The following KHSRP variants were observed in gnomAD, a reference collection of about 807,000 sequenced individuals.
KHSRP encodes the protein far upstream element-binding protein 2.
A neutral mutation model predicts 94.9 loss-of-function variants in KHSRP; 13 were observed. The observed-to-expected ratio is 0.14, with a 90% CI of 0.09 to 0.22. The LOEUF (loss-of-function observed/expected upper bound fraction) is 0.22. KHSRP is among the 10% of genes least tolerant of loss of function. The pLI is 1.00. For missense variants in KHSRP, 710 were observed against 1,010.0 expected, an observed-to-expected ratio of 0.70 and a Z score of 4.03; for synonymous variants, 495 against 401.4, an observed-to-expected ratio of 1.23 and a Z score of -2.79.
Position 6,414,742 on chromosome 19 carries a change from A to G in KHSRP, c.*282T>C. The G allele has an allele frequency of 3.8e-6, 4 of 1,062,488 alleles. No individual in the cohort carries two copies. The highest frequency in any genetic ancestry group is 4.5e-6 in the Non-Finnish European group (4 of 882,520). The allele number at this position is 1,062,488 out of a possible 1,614,324, so 65.8% of individuals were successfully genotyped here. ...AAAAAAGTGATGCAGAGAAGGGGAA[A>G]AAATAGACGTTTTCTTCCCAAGTGG... is the stretch of plus-strand genomic sequence containing the variant. On this transcript the variant is annotated 3_prime_UTR_variant, in exon 19 of 19. Coordinates refer to ENST00000600480, the MANE Select transcript of KHSRP (RefSeq NM_001366299.1).
Position 6,413,498 on chromosome 19 carries a change from GACGGGC to G in KHSRP, c.*1520_*1525del. The G allele has an allele frequency of 2.9e-6, 1 of 347,580 alleles. No homozygotes were observed. The highest frequency in any genetic ancestry group is 5.9e-6 in the Non-Finnish European group (1 of 169,460). 21.5% of individuals were successfully genotyped at this position (347,580 alleles called of 1,614,324 possible). ...ACAACAGACCAGTCCTGGGAGGGGG[GACGGGC>G]GGGGCCGCGGGAGCTGAGCCAGGGC... On this transcript the variant is annotated 3_prime_UTR_variant, in exon 19 of 19. Coordinates refer to ENST00000600480, the MANE Select transcript of KHSRP (RefSeq NM_001366299.1).
In KHSRP at chr19:6,413,103, CT is replaced by C. The variant is rs1312549411; in HGVS notation, c.*1920del. Among the ~76,000 whole-genome samples the C allele has an allele frequency of 8.3e-6, 1 of 119,856 alleles. No individual in the cohort carries two copies. Among genetic ancestry groups the C allele is most frequent in the Non-Finnish European group, 1.6e-5 (1 of 61,642 alleles). 78.6% of individuals were successfully genotyped at this position (119,856 alleles called of 152,430 possible). A position where few individuals can be genotyped will look rare whatever the true frequency, so the allele number is the denominator to read the frequency against. On this transcript the variant is annotated 3_prime_UTR_variant, in exon 19 of 19. Transcript: ENST00000600480. The stretch of plus-strand genomic sequence containing the variant: ...AACACAACTGCGGCCAGCACGCAGT[CT>C]TTTTTAAACAAAAAGCACTTTATTT...
Position 6,414,479 on chromosome 19 carries a change from C to G in KHSRP, c.*545G>C. 7 of 1,114,274 alleles carry G rather than the reference C, an allele frequency of 6.3e-6. No individual in the cohort carries two copies. The highest frequency in any genetic ancestry group is 6.6e-6 in the Non-Finnish European group (6 of 911,828). The allele number at this position is 1,114,274 out of a possible 1,614,324, so 69.0% of individuals were successfully genotyped here. A position where few individuals can be genotyped will look rare whatever the true frequency, so the allele number is the denominator to read the frequency against. On this transcript the variant is annotated 3_prime_UTR_variant, in exon 19 of 19. Coordinates refer to ENST00000600480, the MANE Select transcript of KHSRP (RefSeq NM_001366299.1). ...TCCAGAGATCATGGTGTCCCCACAACACCCCTGTGAGGTAGGTTGGAAGGT... is the reference window on the plus strand; with the variant it reads ...TCCAGAGATCATGGTGTCCCCACAAGACCCCTGTGAGGTAGGTTGGAAGGT...
chr19:6,418,480 C>T lies in KHSRP; in HGVS notation c.879+3G>A, dbSNP rs773566104. The T allele has an allele frequency of 6.2e-7, 1 of 1,612,504 alleles. No individual in the cohort carries two copies. The highest frequency in any genetic ancestry group is 1.1e-5 in the South Asian group (1 of 90,946). ...CCCCTCCACCACCCCAGGGCGTGCT[C>T]ACCTGCACTTTGTAAGGATCCCCAA... is the stretch of plus-strand genomic sequence containing the variant. On this transcript the variant is annotated splice_donor_region_variant and intron_variant, in intron 9 of 18. Transcript: ENST00000600480. The surrounding 1 kb of genome is among the most constrained non-coding windows in gnomAD (Gnocchi z 4.3).
At chr19:6,423,812 ACTTC>A (rs1470207618) in intron 1 of KHSRP, among the ~76,000 whole-genome samples, 1 of 152,100 alleles carries the variant, frequency 6.6e-6, no homozygotes, top group African/African-American at 2.4e-5. Context: ...AGCATGTGAC[ACTTC>A]CTTGTCATTA....
In KHSRP at chr19:6,415,863, G is replaced by A. The variant is rs949333804; in HGVS notation, c.1632C>T (p.Pro544=). Residue 544 remains proline (P), a synonymous_variant, in exon 16 of 19, where the codon CCC becomes CCT. Coordinates refer to ENST00000600480, the MANE Select transcript of KHSRP (RefSeq NM_001366299.1). ...AGGPPPHQYP[P]QGWGNTYPQW... ...GGGGGTAGGTATTGCCCCAGCCCTGGGGTGGGTACTGGTGAGGAGGGGGCC... is the reference window on the plus strand; with the variant it reads ...GGGGGTAGGTATTGCCCCAGCCCTGAGGTGGGTACTGGTGAGGAGGGGGCC... 3.8e-6 allele frequency: 6 copies of A among 1,562,902 alleles called. No individual in the cohort carries two copies. The highest frequency in any genetic ancestry group is 2.3e-5 in the East Asian group (1 of 43,746).
In KHSRP at chr19:6,420,415, C is replaced by A. The variant is rs1434895468; in HGVS notation, c.475+7G>T. On this transcript the variant is annotated splice_region_variant and intron_variant, in intron 5 of 18. Coordinates refer to ENST00000600480, the MANE Select transcript of KHSRP (RefSeq NM_001366299.1). The stretch of plus-strand genomic sequence containing the variant: ...GGGCCTCCCCACCCAAGGTGACCCA[C>A]ACTCACTCAGGCCCACCATGCCGTC... The A allele has an allele frequency of 1.2e-6, 2 of 1,613,554 alleles. No homozygotes were observed. Among genetic ancestry groups the A allele is most frequent in the African/African-American group, 2.7e-5 (2 of 74,926 alleles).
rs779812193 is a variant in KHSRP, at chr19:6,416,365, G to GGCCTGGGCC, written c.1522_1530dup (p.Gly508_Gly510dup). ...TTGAAGGGCCCCATTGGGCCAGCAG[G>GGCCTGGGCC]GCCTGGGCCACCTGGGCCTGGTCCA... On this transcript the variant is annotated inframe_insertion, in exon 15 of 19. Transcript: ENST00000600480. 3 of 1,611,782 alleles carry GGCCTGGGCC rather than the reference G, an allele frequency of 1.9e-6. No individual in the cohort carries two copies. The highest frequency in any genetic ancestry group is 1.1e-5 in the South Asian group (1 of 90,994).
intron 15 of KHSRP, among the ~76,000 whole-genome samples, 166 bp from the exon 16 acceptor site, chr19:6,416,062 G>A (rs1020413593): frequency 4.6e-5 from 7 of 152,358 alleles, no homozygotes; most frequent in African/African-American, 1.2e-4. Flanking sequence ...CGAAGGACGC[G>A]CAGCGTCAGC....
chr19:6,421,812 G>C (rs568284518), intron 2 of KHSRP, 124 bp from the exon 3 acceptor site: 1 of 1,131,858 alleles, frequency 8.8e-7, no homozygotes, highest in Admixed American at 1.8e-5. Context: ...CAGGAGCTGA[G>C]ACAGGAGCCC....
At chr19:6,421,420 C>T in intron 3 of KHSRP, 103 bp from the exon 4 acceptor site, 2 of 1,201,448 alleles carry the variant, frequency 1.7e-6, no homozygotes, top group Non-Finnish European at 2.4e-6. Context: ...ACCACGGTCC[C>T]CAGCCTGCTC....
chr19:6,420,504 A>C (rs753678366), intron 4 of KHSRP, 33 bp from the exon 5 acceptor site: 1 of 1,604,766 alleles, frequency 6.2e-7, no homozygotes, highest in Non-Finnish European at 8.5e-7. Context: ...TCAGTCCTCA[A>C]GTGGGAAGGG....
At position 6,421,265 on chromosome 19, in the gene KHSRP, C is replaced by CA; in HGVS notation, c.425+12dup. On this transcript the variant is annotated intron_variant, in intron 4 of 18. Coordinates refer to ENST00000600480, the MANE Select transcript of KHSRP (RefSeq NM_001366299.1). Reference sequence around the variant, plus strand: ...ACAGACAAGAAAGCAGTGTGGGCCCCACCATGGCTTACCTTGGGGGAGGAT... The same window carrying CA: ...ACAGACAAGAAAGCAGTGTGGGCCCCAACCATGGCTTACCTTGGGGGAGGAT... The CA allele has an allele frequency of 6.3e-7, 1 of 1,580,888 alleles. No individual in the cohort carries two copies. Among genetic ancestry groups the CA allele is most frequent in the Non-Finnish European group, 8.6e-7 (1 of 1,163,776 alleles).
At chr19:6,422,462 G>T (rs1245652694) in intron 1 of KHSRP, 26 bp from the exon 2 acceptor site, 3 of 1,566,440 alleles carry the variant, frequency 1.9e-6, no homozygotes, top group Non-Finnish European at 2.6e-6. Context: ...AAGCACAGAA[G>T]AATTACCACC....
Position 6,415,543 on chromosome 19 carries a change from T to C in KHSRP, c.1879A>G (p.Lys627Glu), listed in dbSNP as rs957578906. The C allele has an allele frequency of 1.3e-6, 2 of 1,540,146 alleles. No individual in the cohort carries two copies. The highest frequency in any genetic ancestry group is 1.4e-5 in the African/African-American group (1 of 72,728). ...CACCCTGCAGACTCACCGATCTTTT[T>C]GTAATACTCTTCCCAGGCCTTAGTG... ...DYTKAWEEYY[K>E]KIGQQPQQPG... The change falls in exon 17 of 19, where the codon AAA (lysine) becomes GAA (glutamate). Residue 627 changes from lysine to glutamate, a missense_variant. Physicochemically the swap from Lys to Glu is moderately conservative, Grantham distance 56. Transcript: ENST00000600480.
chr19:6,413,344 C>A lies in KHSRP; in HGVS notation c.*1680G>T. 2.8e-6 allele frequency: 1 copy of A among 359,570 alleles called. No individual in the cohort carries two copies. The highest frequency in any genetic ancestry group is 5.5e-6 in the Non-Finnish European group (1 of 180,544). 22.3% of individuals were successfully genotyped at this position (359,570 alleles called of 1,614,324 possible). A position where few individuals can be genotyped will look rare whatever the true frequency, so the allele number is the denominator to read the frequency against. ...GGGGGAGACAGACAGCACCCGCAGA[C>A]GGGGAGGTTTTGTTATCATTTATTT... On this transcript the variant is annotated 3_prime_UTR_variant, in exon 19 of 19. Coordinates refer to ENST00000600480, the MANE Select transcript of KHSRP (RefSeq NM_001366299.1).
chr19:6,415,774 G>T, intron 16 of KHSRP, 34 bp downstream of exon 16: 1 of 1,553,222 alleles, frequency 6.4e-7, no homozygotes, highest in Non-Finnish European at 8.7e-7. Flanking sequence ...GGACAGAACA[G>T]GGCCTGCCCT....
chr19:6,413,765 T>A lies in KHSRP; in HGVS notation c.*1259A>T, dbSNP rs1226394936. Reference sequence around the variant, plus strand: ...TGGGGGGTGAAGAATAGAGACTTTTTAATATATATATATATAATTTTATAA... The same window carrying A: ...TGGGGGGTGAAGAATAGAGACTTTTAAATATATATATATATAATTTTATAA... On this transcript the variant is annotated 3_prime_UTR_variant, in exon 19 of 19. Transcript: ENST00000600480. The A allele has an allele frequency of 6.6e-6, 1 of 152,100 alleles. No homozygotes were observed. Among genetic ancestry groups the A allele is most frequent in the Non-Finnish European group, 1.5e-5 (1 of 68,846 alleles). The allele number at this position is 152,100 out of a possible 1,614,324, so 9.4% of individuals were successfully genotyped here. A position where few individuals can be genotyped will look rare whatever the true frequency, so the allele number is the denominator to read the frequency against.
chr19:6,418,450 A>G lies in KHSRP; in HGVS notation c.879+33T>C. The G allele has an allele frequency of 6.4e-7, 1 of 1,562,170 alleles. No homozygotes were observed. Among genetic ancestry groups the G allele is most frequent in the South Asian group, 1.1e-5 (1 of 89,212 alleles). ...CCTGCCCACCTGCCCGTGCCTCTCC[A>G]GAACCCCCTCCACCACCCCAGGGCG... On this transcript the variant is annotated intron_variant, in intron 9 of 18. Transcript: ENST00000600480. The surrounding 1 kb of genome is among the most constrained non-coding windows in gnomAD (Gnocchi z 4.3).
Sources: allele counts gnomAD v4.1 joint callset (sites outside exome capture counted in the v4.1 genomes callset), GRCh38; gene constraint gnomAD v4.1.1; non-coding constraint Gnocchi (gnomAD v3.1); transcripts MANE v1.5; gene names NCBI Gene and HGNC (gene_info 2026-07-23, HGNC 2026-07-21).